Variants in PDE1C observed in about 807,000 individuals in gnomAD.
PDE1C encodes dual specificity calcium/calmodulin-dependent 3',5'-cyclic nucleotide phosphodiesterase 1C.
In PDE1C, 62 loss-of-function variants were observed where a neutral mutation model predicts 93.1. The observed-to-expected ratio is 0.67, with a 90% CI of 0.54 to 0.82. The LOEUF is 0.82. Among genes scored for constraint, PDE1C ranks in the 40% least tolerant of loss-of-function variants. The pLI is 0.00. For synonymous variants in PDE1C, 325 were observed against 310.1 expected (o/e 1.05, Z -0.50); for missense variants, 742 against 884.6 (o/e 0.84, Z 2.04).
chr7:32,229,657 A>G (rs886925779), intron 1 of PDE1C, among the ~76,000 whole-genome samples: 10 of 152,238 alleles, frequency 6.6e-5, no homozygotes, highest in African/African-American at 2.4e-4. Context: ...GATGTTGGCA[A>G]TCTGTAATCT....
intron 1 of PDE1C, among the ~76,000 whole-genome samples, chr7:32,309,218 A>T (rs950972465): frequency 6.6e-6 from 1 of 152,176 alleles, no homozygotes; most frequent in Non-Finnish European, 1.5e-5. Flanking sequence ...AAAAAGAAAC[A>T]AACAAAGCCT....
chr7:31,738,498 C>G, the PDE1C span, among the ~76,000 whole-genome samples: 1 of 152,202 alleles, frequency 6.6e-6, no homozygotes, highest in African/African-American at 2.4e-5. Flanking sequence ...TTATCGCCAC[C>G]TGGCCCTGCT....
At chr7:32,019,673 G>A (rs150578686) in intron 2 of PDE1C, among the ~76,000 whole-genome samples, 7 of 151,942 alleles carry the variant, frequency 4.6e-5, no homozygotes, top group Admixed American at 1.3e-4. Context: ...GGTGTAGGGA[G>A]GCAGCTAGAT....
At chr7:32,242,632 G>A (rs1808624500) in intron 1 of PDE1C, among the ~76,000 whole-genome samples, 1 of 152,184 alleles carries the variant, frequency 6.6e-6, no homozygotes, top group Non-Finnish European at 1.5e-5. Flanking sequence ...TAACAAAGAG[G>A]GGTGGTGGGT....
At chr7:32,135,381 G>A (rs922927341) in intron 3 of PDE1C, among the ~76,000 whole-genome samples, 2 of 152,004 alleles carry the variant, frequency 1.3e-5, no homozygotes, top group Non-Finnish European at 2.9e-5. Flanking sequence ...CTGATAAGGG[G>A]TTAATATAAA....
the PDE1C span, among the ~76,000 whole-genome samples, chr7:31,704,661 T>C: frequency 6.6e-6 from 1 of 152,216 alleles, no homozygotes; most frequent in Non-Finnish European, 1.5e-5. Flanking sequence ...AGCCACAATG[T>C]AGGCCTAAGT....
At chr7:32,218,939 T>C (rs1806633935) in intron 1 of PDE1C, among the ~76,000 whole-genome samples, 1 of 152,160 alleles carries the variant, frequency 6.6e-6, no homozygotes, top group Admixed American at 6.5e-5. Flanking sequence ...GATGTGACAA[T>C]GGATGTAACC....
chr7:31,871,961 T>C (rs1356431548), intron 6 of PDE1C, among the ~76,000 whole-genome samples: 1 of 152,112 alleles, frequency 6.6e-6, no homozygotes, highest in Non-Finnish European at 1.5e-5. Flanking sequence ...ATAGCTAAGA[T>C]ATAGAATCAA....
intron 1 of PDE1C, among the ~76,000 whole-genome samples, chr7:32,399,073 G>A (rs111464018): frequency 4.3e-4 from 66 of 152,284 alleles, no homozygotes; most frequent in African/African-American, 1.6e-3. Flanking sequence ...TGTGAATACA[G>A]GGACATATAC....
intron 2 of PDE1C, among the ~76,000 whole-genome samples, chr7:31,885,115 G>A (rs1250386091): frequency 1.3e-5 from 2 of 152,146 alleles, no homozygotes; most frequent in Admixed American, 6.5e-5. Context: ...GAGATCTGGT[G>A]TTTTAATACT....
chr7:32,191,158 T>C (rs1201270928), intron 2 of PDE1C, among the ~76,000 whole-genome samples: 1 of 152,216 alleles, frequency 6.6e-6, no homozygotes, highest in Non-Finnish European at 1.5e-5. Flanking sequence ...TAAATTCTTT[T>C]AATCACTCCT....
intron 2 of PDE1C, among the ~76,000 whole-genome samples, chr7:31,912,064 T>C (rs1465003254): frequency 6.6e-6 from 1 of 152,098 alleles, no homozygotes; most frequent in East Asian, 1.9e-4. Context: ...AATCCATTGG[T>C]TCGAGGGCAA....
chr7:31,986,981 C>T (rs76220343), intron 2 of PDE1C, among the ~76,000 whole-genome samples: 11,690 of 151,774 alleles, frequency 0.077, 598 homozygotes, highest in Middle Eastern at 0.15. Context: ...TAGGAAGAAA[C>T]GCTTCTGTTT....
chr7:32,087,892 C>A (rs1235952145), intron 3 of PDE1C, among the ~76,000 whole-genome samples: 2 of 151,526 alleles, frequency 1.3e-5, no homozygotes, highest in Non-Finnish European at 2.9e-5. Context: ...AGGAGATATA[C>A]CTAATGCTAA....
At chr7:32,252,976 G>A (rs1201134937) in intron 1 of PDE1C, among the ~76,000 whole-genome samples, 1 of 152,168 alleles carries the variant, frequency 6.6e-6, no homozygotes, top group African/African-American at 2.4e-5. Context: ...ACTTTGAGTA[G>A]CACAGTGGAC....
intron 16 of PDE1C, among the ~76,000 whole-genome samples, chr7:31,801,949 T>C (rs1489328916): frequency 6.6e-6 from 1 of 151,708 alleles, no homozygotes; most frequent in South Asian, 2.1e-4. Flanking sequence ...TGTTTAATAG[T>C]GGTGAAGTCA....
chr7:32,092,658 C>T (rs968073732), intron 3 of PDE1C, among the ~76,000 whole-genome samples: 3 of 152,160 alleles, frequency 2.0e-5, no homozygotes, highest in African/African-American at 7.2e-5. Flanking sequence ...GCAGAAATTA[C>T]CAAAGGTTTT....
intron 2 of PDE1C, among the ~76,000 whole-genome samples, chr7:32,005,276 G>T (rs1000168271): frequency 1.3e-5 from 2 of 151,936 alleles, no homozygotes; most frequent in African/African-American, 4.8e-5. Context: ...TGAGATTCTG[G>T]CCGGGTGCGG....
rs1281489843 is a variant in PDE1C, at chr7:31,911,880, C to T, written c.129-31020G>A. ...GTTTACTTCTTTGAAAGTGTGCTGC[C>T]TGTTGTCCATACCTCCTAAGGAAGC... On this transcript the variant is annotated intron_variant, in intron 2 of 17. Transcript: ENST00000396191. Among the ~76,000 whole-genome samples the T allele has an allele frequency of 2.6e-5, 4 of 152,266 alleles. No homozygotes were observed. In the East Asian group the frequency reaches 7.7e-4, roughly 29 times the overall value.
Sources: gnomAD v4.1 joint callset for allele counts (sites outside exome capture counted in the v4.1 genomes callset) on GRCh38, gnomAD v4.1.1 for gene constraint, MANE v1.5 for transcripts, NCBI Gene and HGNC (gene_info 2026-07-23, HGNC 2026-07-21) for gene names.